Variants in AACS observed in about 807,000 individuals in gnomAD.
AACS encodes acetoacetyl-CoA synthetase.
Under a neutral mutation model 83.1 loss-of-function variants are expected in AACS, and 69 were observed. The observed-to-expected ratio is 0.83, with a 90% CI of 0.68 to 1.01. The LOEUF is 1.01. Ranked by LOEUF, AACS falls within the 50% of genes least tolerant of loss-of-function variation. The probability of loss-of-function intolerance (pLI) is 0.00; values close to 1 mark genes in which losing one functional copy is unlikely to be tolerated. For missense variants in AACS, 866 were observed against 882.2 expected, an observed-to-expected ratio of 0.98 and a Z score of 0.23; for synonymous variants, 333 against 343.4, an observed-to-expected ratio of 0.97 and a Z score of 0.33.
At chr12:125,099,245 T>C (rs1269646679) in intron 5 of AACS, among the ~76,000 whole-genome samples, 1 of 152,218 alleles carries the variant, frequency 6.6e-6, no homozygotes, top group Non-Finnish European at 1.5e-5. Context: ...GTGTTTCCTG[T>C]CTTTCTCCGA....
intron 9 of AACS, chr12:125,118,303 T>C (rs1957092413): frequency 3.5e-6 from 1 of 286,896 alleles, no homozygotes; most frequent in Non-Finnish European, 6.8e-6. Context: ...GAACGCCTCA[T>C]GTGGGTTCAG....
intron 14 of AACS, among the ~76,000 whole-genome samples, chr12:125,131,142 A>G (rs988532806): frequency 1.3e-5 from 2 of 152,234 alleles, no homozygotes; most frequent in African/African-American, 4.8e-5. Flanking sequence ...TGGTATGGAA[A>G]GATACCCAGG....
At position 125,129,208 on chromosome 12, in the gene AACS, C is replaced by T. The variant is rs182758968; in HGVS notation, c.1424-127C>T. On this transcript the variant is annotated intron_variant, in intron 13 of 17. Transcript: ENST00000316519. This position sits in a 1 kb window ranked among gnomAD's most constrained non-coding sequence, Gnocchi z 4.3. The stretch of plus-strand genomic sequence containing the variant: ...GCTGTGACAGGTGTGTGGGCGTGGA[C>T]CATCTCTGTACCTTTGTATATGTCT... 133 of 1,328,642 alleles carry T rather than the reference C, an allele frequency of 1.0e-4. No individual in the cohort carries two copies. The African/African-American group carries it at 1.5e-3, about 15-fold the overall frequency. The allele number at this position is 1,328,642 out of a possible 1,614,324, so 82.3% of individuals were successfully genotyped here. A position where few individuals can be genotyped will look rare whatever the true frequency, so the allele number is the denominator to read the frequency against.
intron 1 of AACS, among the ~76,000 whole-genome samples, chr12:125,071,867 T>G (rs910861479): frequency 4.1e-5 from 6 of 147,302 alleles, no homozygotes; most frequent in Admixed American, 1.4e-4. Context: ...TTTTTTTGGT[T>G]GTTGTTGTTG....
intron 5 of AACS, among the ~76,000 whole-genome samples, chr12:125,098,334 G>A (rs943142814): frequency 6.6e-6 from 1 of 151,814 alleles, no homozygotes; most frequent in Non-Finnish European, 1.5e-5. Flanking sequence ...GGTTGAGTCT[G>A]AGTGAGCTGT....
chr12:125,079,574 A>G (rs1956116815), intron 3 of AACS, among the ~76,000 whole-genome samples: 1 of 151,780 alleles, frequency 6.6e-6, no homozygotes, highest in African/African-American at 2.4e-5. Flanking sequence ...TTTTTTGTAG[A>G]AATGAAGTTT....
At chr12:125,132,477 C>G (rs899794476) in intron 14 of AACS, among the ~76,000 whole-genome samples, 1 of 152,184 alleles carries the variant, frequency 6.6e-6, no homozygotes, top group Non-Finnish European at 1.5e-5. Flanking sequence ...GCTTGCAGCT[C>G]TCATCTTCCA....
chr12:125,096,086 T>C (rs1042194406), intron 5 of AACS, among the ~76,000 whole-genome samples: 2 of 152,220 alleles, frequency 1.3e-5, no homozygotes, highest in African/African-American at 4.8e-5. Flanking sequence ...TGCCTTAGCC[T>C]CCCAAGTAGC....
At chr12:125,118,430 A>G (rs7136333) in intron 9 of AACS, 29,437 of 599,666 alleles carry the variant, frequency 0.049, 1,149 homozygotes, top group African/African-American at 0.14. Flanking sequence ...ATTCTGTGAC[A>G]CATCTTCATG....
At chr12:125,135,463 A>C (rs541890242) in intron 16 of AACS, among the ~76,000 whole-genome samples, 27 of 152,330 alleles carry the variant, frequency 1.8e-4, no homozygotes, top group African/African-American at 6.0e-4. Flanking sequence ...GCTGAAGGTC[A>C]CACAGCATCA....
chr12:125,104,019 A>AAAG lies in AACS; in HGVS notation c.767+938_767+939insAAG, dbSNP rs1491061742. On this transcript the variant is annotated intron_variant, in intron 7 of 17. Transcript: ENST00000316519. ...AAAAAAAAAAAAAAAAAAAAAAAAA[A>AAAG]GAATCTTCATTTTGAATAGAGATTA... is the stretch of plus-strand genomic sequence containing the variant. 2.8e-5 allele frequency among the ~76,000 whole-genome samples: 4 copies of AAAG among 144,114 alleles called. 1 individual carries two copies. 94.5% of individuals were successfully genotyped at this position (144,114 alleles called of 152,430 possible).
At chr12:125,072,287 T>G (rs1955890725) in intron 1 of AACS, among the ~76,000 whole-genome samples, 1 of 152,024 alleles carries the variant, frequency 6.6e-6, no homozygotes. Context: ...CCTGCCCCAG[T>G]TCTTGTGATC....
chr12:125,086,399 C>T lies in AACS; in HGVS notation c.428C>T (p.Ala143Val). The change falls in exon 4 of 18, where the codon GCA (alanine) becomes GTA (valine). Residue 143 changes from alanine (A) to valine (V), a missense_variant. Transcript: ENST00000316519. Reference protein sequence around the residue: ...ELRQEVALFAAAMRKMGVKKG... With the variant: ...ELRQEVALFAVAMRKMGVKKG... ...AGGCAAGAAGTGGCTTTGTTTGCAGCAGCAATGAGGAAAATGGGTGTGAAG... is the reference window on the plus strand; with the variant it reads ...AGGCAAGAAGTGGCTTTGTTTGCAGTAGCAATGAGGAAAATGGGTGTGAAG... 2 of 1,614,082 alleles carry T rather than the reference C, an allele frequency of 1.2e-6. No individual in the cohort carries two copies. The highest frequency in any genetic ancestry group is 1.1e-5 in the South Asian group (1 of 91,072).
chr12:125,077,953 C>T (rs897343765), intron 3 of AACS: 6 of 358,796 alleles, frequency 1.7e-5, no homozygotes, highest in Non-Finnish European at 3.3e-5. Context: ...AGGTGATTCC[C>T]CCCGCCTCGG....
chr12:125,072,058 T>C (rs976530995), intron 1 of AACS, among the ~76,000 whole-genome samples: 11 of 152,156 alleles, frequency 7.2e-5, no homozygotes, highest in Non-Finnish European at 1.6e-4. Flanking sequence ...GATTTCACCA[T>C]GTTGGTCAGG....
chr12:125,132,979 C>A (rs1000183268), intron 14 of AACS, among the ~76,000 whole-genome samples: 6 of 152,202 alleles, frequency 3.9e-5, no homozygotes, highest in African/African-American at 1.4e-4. Flanking sequence ...GGCTGCCGCC[C>A]GTCAGTGAAG....
At chr12:125,107,038 G>C in intron 7 of AACS, 83 bp from the exon 8 acceptor site, 1 of 1,576,862 alleles carries the variant, frequency 6.3e-7, no homozygotes. Flanking sequence ...TAGAAACAGA[G>C]GGAAGTGCAC....
In AACS at chr12:125,086,388, T is replaced by G; in HGVS notation, c.417T>G (p.Ala139=). 6.2e-7 allele frequency: 1 copy of G among 1,614,210 alleles called. No homozygotes were observed. Among genetic ancestry groups the G allele is most frequent in the Non-Finnish European group, 8.5e-7 (1 of 1,180,038 alleles). Residue 139 remains alanine (A), a synonymous_variant, in exon 4 of 18, where the codon GCT becomes GCG. Transcript: ENST00000316519. The part of the protein sequence containing the change: ...VTFEELRQEV[A]LFAAAMRKMG... ...TTGAAGAGCTGAGGCAAGAAGTGGC[T>G]TTGTTTGCAGCAGCAATGAGGAAAA...
At position 125,140,673 on chromosome 12, in the gene AACS, C is replaced by A. The variant is rs187259258; in HGVS notation, c.1882-1419C>A. The A allele has an allele frequency of 6.6e-6, 1 of 151,690 alleles. No homozygotes were observed. The highest frequency in any genetic ancestry group is 1.9e-4 in the East Asian group (1 of 5,170). The allele number at this position is 151,690 out of a possible 1,614,324, so 9.4% of individuals were successfully genotyped here. A position where few individuals can be genotyped will look rare whatever the true frequency, so the allele number is the denominator to read the frequency against. ...CTGGGCTCTGTTGCTCCTGAAGTTT[C>A]CTAGCCCACAACACACCAACACTGC... On this transcript the variant is annotated intron_variant, in intron 17 of 17. Coordinates refer to ENST00000316519, the MANE Select transcript of AACS (RefSeq NM_023928.5). This position sits in a 1 kb window ranked among gnomAD's most constrained non-coding sequence, Gnocchi z 5.1.
Sources: allele counts gnomAD v4.1 joint callset (sites outside exome capture counted in the v4.1 genomes callset), GRCh38; gene constraint gnomAD v4.1.1; non-coding constraint Gnocchi (gnomAD v3.1); transcripts MANE v1.5; gene names NCBI Gene and HGNC (gene_info 2026-07-23, HGNC 2026-07-21).